The following AAMDC variants were observed in gnomAD, a reference collection of about 807,000 sequenced individuals.
AAMDC encodes mth938 domain-containing protein.
A neutral mutation model predicts 15.5 loss-of-function variants in AAMDC; 16 were observed. The ratio of observed to expected loss-of-function variants is 1.03; its 90% CI spans 0.70 to 1.57. AAMDC has a LOEUF of 1.57. Among genes scored for constraint, AAMDC ranks in the 40% most tolerant of loss-of-function variants. The pLI, the probability that AAMDC is intolerant of heterozygous loss-of-function variation, is 0.00. For missense variants in AAMDC, 141 were observed against 144.9 expected, an observed-to-expected ratio of 0.97 and a Z score of 0.14; for synonymous variants, 51 against 51.6, an observed-to-expected ratio of 0.99 and a Z score of 0.05.
intron 1 of AAMDC, among the ~76,000 whole-genome samples, chr11:77,839,320 G>GTTTT (rs1312056174): frequency 6.6e-6 from 1 of 151,930 alleles, no homozygotes; most frequent in Non-Finnish European, 1.5e-5. Flanking sequence ...TTGTTTGTTT[G>GTTTT]TTTTTGTAGA....
At chr11:77,823,231 A>AG (rs1395004083) in intron 1 of AAMDC, among the ~76,000 whole-genome samples, 539 of 151,042 alleles carry the variant, frequency 3.6e-3, no homozygotes, top group Non-Finnish European at 5.7e-3. Flanking sequence ...AAAAAAAAAA[A>AG]AAAGAAATTA....
At chr11:77,847,433 T>A (rs1399660463) in intron 2 of AAMDC, among the ~76,000 whole-genome samples, 1 of 152,228 alleles carries the variant, frequency 6.6e-6, no homozygotes, top group African/African-American at 2.4e-5. Flanking sequence ...TAACACATAT[T>A]CTTTGTTCAT....
At chr11:77,848,054 C>T (rs1346054013) in intron 2 of AAMDC, among the ~76,000 whole-genome samples, 2 of 152,106 alleles carry the variant, frequency 1.3e-5, no homozygotes, top group Non-Finnish European at 2.9e-5. Flanking sequence ...GGTAGTCTAC[C>T]GAGTCCACCA....
At chr11:77,837,159 G>A (rs767265846) in intron 1 of AAMDC, among the ~76,000 whole-genome samples, 28 of 152,074 alleles carry the variant, frequency 1.8e-4, no homozygotes, top group African/African-American at 5.5e-4. Flanking sequence ...TTTTTGAGAC[G>A]TAGTCTCGCT....
At chr11:77,895,880 C>T (rs1214326271) in intron 5 of AAMDC, among the ~76,000 whole-genome samples, 1 of 152,168 alleles carries the variant, frequency 6.6e-6, no homozygotes, top group Non-Finnish European at 1.5e-5. Flanking sequence ...TCCTACTTTT[C>T]CTTTGGTGTG....
At chr11:77,872,490 AAAG>A, downstream of AAMDC, 1 of 594,696 alleles carries the variant, frequency 1.7e-6, no homozygotes, top group Non-Finnish European at 2.7e-6. Context: ...GAGGGTGCTA[AAAG>A]AAAAAAAGAT....
chr11:77,894,787 T>C (rs939708283), intron 5 of AAMDC, among the ~76,000 whole-genome samples: 1 of 152,220 alleles, frequency 6.6e-6, no homozygotes, highest in African/African-American at 2.4e-5. Flanking sequence ...AGCTCCCAGA[T>C]AGCTGTGTGG....
chr11:77,841,153 C>A (rs1949914347), intron 1 of AAMDC: 2 of 700,014 alleles, frequency 2.9e-6, no homozygotes, highest in South Asian at 3.0e-5. Flanking sequence ...TATAATGAAC[C>A]TACTACTCCT....
chr11:77,860,385 C>T (rs1590963181), intron 2 of AAMDC, among the ~76,000 whole-genome samples: 1 of 152,182 alleles, frequency 6.6e-6, no homozygotes, highest in African/African-American at 2.4e-5. Context: ...GAGGATAAGC[C>T]AGTGTGGGCT....
chr11:77,851,596 TC>T, intron 2 of AAMDC: 1 of 152,150 alleles, frequency 6.6e-6, no homozygotes, highest in East Asian at 1.9e-4. Flanking sequence ...TGTGGGCAGT[TC>T]CCTCATGAAT....
intron 2 of AAMDC, among the ~76,000 whole-genome samples, chr11:77,863,265 G>A (rs1036302354): frequency 9.2e-5 from 14 of 152,156 alleles, no homozygotes; most frequent in South Asian, 2.1e-4. Flanking sequence ...AATCGGGAGC[G>A]GCAATGGGCG....
chr11:77,821,443 G>T (rs1311318297), intron 1 of AAMDC, among the ~76,000 whole-genome samples: 1 of 152,148 alleles, frequency 6.6e-6, no homozygotes, highest in Non-Finnish European at 1.5e-5. Context: ...TGCCGACGGG[G>T]TATTGCTCTC....
intron 5 of AAMDC, among the ~76,000 whole-genome samples, chr11:77,900,151 G>A (rs1293789572): frequency 6.6e-6 from 1 of 151,538 alleles, no homozygotes; most frequent in African/African-American, 2.4e-5. Flanking sequence ...CCAGGCTGGA[G>A]TGCAGTGGTG....
At chr11:77,872,459 C>A, downstream of AAMDC, 5 of 938,178 alleles carry the variant, frequency 5.3e-6, no homozygotes, top group Non-Finnish European at 7.5e-6. Context: ...CAGGGATGAC[C>A]AAGACAAGGT....
intron 5 of AAMDC, chr11:77,891,976 A>G: frequency 1.4e-6 from 2 of 1,403,794 alleles, no homozygotes; most frequent in East Asian, 2.3e-5. Context: ...CGACCAAGAT[A>G]GACTGGTACC....
chr11:77,866,384 C>T (rs540682834), intron 2 of AAMDC: 3 of 152,330 alleles, frequency 2.0e-5, no homozygotes, highest in East Asian at 3.9e-4. Flanking sequence ...GTGATTTGCC[C>T]TGAGGGATTG....
chr11:77,892,406 T>C (rs1409595109), intron 5 of AAMDC, among the ~76,000 whole-genome samples: 1 of 152,130 alleles, frequency 6.6e-6, no homozygotes, highest in Non-Finnish European at 1.5e-5. Context: ...GGAGGTGATA[T>C]CTGTGCAGGA....
chr11:77,870,503 A>T (rs1034848695), intron 3 of AAMDC, among the ~76,000 whole-genome samples: 1 of 150,710 alleles, frequency 6.6e-6, no homozygotes, highest in Non-Finnish European at 1.5e-5. Flanking sequence ...CGCCTGGCTA[A>T]TTTTTTTGTA....
In AAMDC at chr11:77,840,126, C is replaced by T. The variant is rs557417566; in HGVS notation, c.-18-2353C>T. Reference sequence around the variant, plus strand: ...CACACACACACACACACACAACACCCAGGGATTTGAATGATTAATGCACAA... The same window carrying T: ...CACACACACACACACACACAACACCTAGGGATTTGAATGATTAATGCACAA... On this transcript the variant is annotated intron_variant, in intron 1 of 3. Coordinates refer to ENST00000393427, the MANE Select transcript of AAMDC (RefSeq NM_024684.4). 1.6e-4 allele frequency among the ~76,000 whole-genome samples: 25 copies of T among 151,946 alleles called. No individual in the cohort carries two copies. The South Asian group carries it at 5.2e-3, about 32-fold the overall frequency.
Sources: gnomAD v4.1 joint callset for allele counts (sites outside exome capture counted in the v4.1 genomes callset) on GRCh38, gnomAD v4.1.1 for gene constraint, MANE v1.5 for transcripts, NCBI Gene and HGNC (gene_info 2026-07-23, HGNC 2026-07-21) for gene names.